The following SLC25A23 variants were observed in gnomAD, a reference collection of about 807,000 sequenced individuals.
SLC25A23 encodes the protein mitochondrial adenyl nucleotide antiporter SLC25A23.
SLC25A23 carries 32 observed loss-of-function variants against 53.9 expected under a neutral mutation model. The observed-to-expected ratio is 0.59, with a 90% CI of 0.45 to 0.80. SLC25A23 has a LOEUF of 0.80. Ranked by LOEUF, SLC25A23 falls within the 30% of genes least tolerant of loss-of-function variation. SLC25A23 has a pLI of 0.00. For synonymous variants in SLC25A23, 275 were observed against 264.5 expected (o/e 1.04, Z -0.38); for missense variants, 575 against 651.4 (o/e 0.88, Z 1.28).
intron 8 of SLC25A23, among the ~76,000 whole-genome samples, chr19:6,445,003 A>G (rs1055334546): frequency 1.3e-5 from 2 of 151,662 alleles, no homozygotes; most frequent in African/African-American, 4.9e-5. Context: ...GAGTGTCACT[A>G]TGTTGCTCAG....
At chr19:6,444,808 C>T (rs1764410889) in intron 8 of SLC25A23, among the ~76,000 whole-genome samples, 1 of 151,408 alleles carries the variant, frequency 6.6e-6, no homozygotes, top group South Asian at 2.1e-4. Context: ...GCTGGGAATA[C>T]AGGTGCGTGC....
Position 6,459,329 on chromosome 19 carries a change from G to C in SLC25A23, c.156+144C>G, listed in dbSNP as rs1230042561. ...CGATCCCGTTAGGCCAAACACGAGT[G>C]GGTAGGGGGAACGAGACAGAGACAC... On this transcript the variant is annotated intron_variant, in intron 1 of 9. Transcript: ENST00000301454. This position sits in a 1 kb window ranked among gnomAD's most constrained non-coding sequence, Gnocchi z 4.6. The C allele has an allele frequency of 7.5e-6, 5 of 663,738 alleles. No individual in the cohort carries two copies. Among genetic ancestry groups the C allele is most frequent in the Non-Finnish European group, 1.2e-5 (5 of 432,390 alleles). The allele number at this position is 663,738 out of a possible 1,614,324, so 41.1% of individuals were successfully genotyped here.
chr19:6,443,455 T>C (rs1210047338), intron 9 of SLC25A23: 5 of 580,514 alleles, frequency 8.6e-6, no homozygotes, highest in East Asian at 6.1e-5. Context: ...CTCAAACTCC[T>C]GGACTCAAAT....
rs775275908 is a variant in SLC25A23 at position 6,454,460 on chromosome 19, T to A, written c.658A>T (p.Thr220Ser). 6.2e-7 allele frequency: 1 copy of A among 1,613,928 alleles called. No homozygotes were observed. The highest frequency in any genetic ancestry group is 1.3e-5 in the African/African-American group (1 of 74,914). ...CCCCCAAGGATGTTCAGCCGGTTGG[T>A]CTTTGAGGCATGGACCTGAATGGGG... is the stretch of plus-strand genomic sequence containing the variant. ...KVFMQVHASKTNRLNILGGLR... is the reference protein window; with the variant it reads ...KVFMQVHASKSNRLNILGGLR... The change falls in exon 6 of 10, where the codon ACC (threonine) becomes TCC (serine). Residue 220 changes from threonine to serine, a missense_variant. Physicochemically the swap from Thr to Ser is moderately conservative, Grantham distance 58. Transcript: ENST00000301454. This position sits in a 1 kb window ranked among gnomAD's most constrained non-coding sequence, Gnocchi z 4.3.
intron 8 of SLC25A23, 60 bp downstream of exon 8, chr19:6,452,252 G>A: frequency 6.4e-7 from 1 of 1,555,682 alleles, no homozygotes; most frequent in Non-Finnish European, 8.7e-7. Flanking sequence ...AAGGGGAAGG[G>A]GTGTCCTGTG....
chr19:6,456,117 C>T (rs772865026), intron 4 of SLC25A23: 1 of 1,412,594 alleles, frequency 7.1e-7, no homozygotes. Flanking sequence ...GGTGGGAGGC[C>T]TTGTACCCCA....
At position 6,458,289 on chromosome 19, in the gene SLC25A23, G is replaced by T; in HGVS notation, c.192C>A (p.Gly64=). ...ISSEGDADPD[G]GLDLEEFSRY... The stretch of plus-strand genomic sequence containing the variant: ...GGGAAAATTCCTCCAGGTCGAGCCC[G>T]CCATCTGGGTCAGCATCACCCTCAG... The change falls in exon 2 of 10, where the codon GGC becomes GGA. Residue 64 remains glycine, a synonymous_variant. Coordinates refer to ENST00000301454, the MANE Select transcript of SLC25A23 (RefSeq NM_024103.3). 1 of 1,613,096 alleles carries T rather than the reference G, an allele frequency of 6.2e-7. No individual in the cohort carries two copies. Among genetic ancestry groups the T allele is most frequent in the Non-Finnish European group, 8.5e-7 (1 of 1,179,916 alleles).
chr19:6,452,514 C>T, intron 7 of SLC25A23, 35 bp from the exon 8 acceptor site: 2 of 1,574,928 alleles, frequency 1.3e-6, no homozygotes, highest in Non-Finnish European at 1.7e-6. Context: ...GAAAAGCTGT[C>T]CCACCAAATC....
rs935401424 is a variant in SLC25A23, at chr19:6,454,155, C to G, written c.796-67G>C. ...TGAACCTTCCTTGCACTCCACTGTT[C>G]TCCTGGCTTCCAAAGAACTGGCTTG... On this transcript the variant is annotated intron_variant, in intron 6 of 9. Transcript: ENST00000301454. The surrounding 1 kb of genome is among the most constrained non-coding windows in gnomAD (Gnocchi z 4.3). The G allele has an allele frequency of 2.0e-6, 3 of 1,534,010 alleles. No individual in the cohort carries two copies. The African/African-American group carries it at 4.1e-5, about 21-fold the overall frequency.
At position 6,454,190 on chromosome 19, in the gene SLC25A23, T is replaced by C. The variant is rs542867444; in HGVS notation, c.796-102A>G. 2.2e-4 allele frequency: 338 copies of C among 1,515,438 alleles called. No individual in the cohort carries two copies. Among genetic ancestry groups the C allele is most frequent in the Non-Finnish European group, 2.8e-4 (315 of 1,116,628 alleles). The allele number at this position is 1,515,438 out of a possible 1,614,324, so 93.9% of individuals were successfully genotyped here. The stretch of plus-strand genomic sequence containing the variant: ...CCAAAGAACTGGCTTGCTGCAGGCA[T>C]TCATGCAGAGGAGCAGATGCCTGAT... On this transcript the variant is annotated intron_variant, in intron 6 of 9. Transcript: ENST00000301454. This position sits in a 1 kb window ranked among gnomAD's most constrained non-coding sequence, Gnocchi z 4.3.
chr19:6,442,187 TA>T, intron 9 of SLC25A23, 28 bp from the exon 10 acceptor site: 1 of 1,453,950 alleles, frequency 6.9e-7, no homozygotes, highest in Middle Eastern at 2.1e-4. Context: ...GGGCACCAGG[TA>T]AGGCCAACGT....
rs1240136285 is a variant in SLC25A23 at position 6,441,838 on chromosome 19, G to A, written c.*137C>T. On this transcript the variant is annotated 3_prime_UTR_variant, in exon 10 of 10. Coordinates refer to ENST00000301454, the MANE Select transcript of SLC25A23 (RefSeq NM_024103.3). ...CTGGGATCCCATGACCCAATGGTTG[G>A]GGCATAGGAGTCTAGGATCCAGGAT... 6.4e-6 allele frequency: 5 copies of A among 777,392 alleles called. No homozygotes were observed. The highest frequency in any genetic ancestry group is 1.0e-5 in the Non-Finnish European group (5 of 476,818). 48.2% of individuals were successfully genotyped at this position (777,392 alleles called of 1,614,324 possible). A position where few individuals can be genotyped will look rare whatever the true frequency, so the allele number is the denominator to read the frequency against.
In SLC25A23 at chr19:6,441,899, T is replaced by C; in HGVS notation, c.*76A>G. On this transcript the variant is annotated 3_prime_UTR_variant, in exon 10 of 10. Transcript: ENST00000301454. ...GGATCTCGTGGCCAAAGAGTAGGGA[T>C]CCTGTGGTTGGATCATCAGTCTCCA... The C allele has an allele frequency of 7.1e-7, 1 of 1,403,778 alleles. No homozygotes were observed. Among genetic ancestry groups the C allele is most frequent in the Non-Finnish European group, 9.9e-7 (1 of 1,005,796 alleles). 87.0% of individuals were successfully genotyped at this position (1,403,778 alleles called of 1,614,324 possible).
rs375160843 is a variant in SLC25A23, at chr19:6,459,482, G to A, written c.147C>T (p.Gly49=). The A allele has an allele frequency of 3.1e-5, 49 of 1,589,440 alleles. No individual in the cohort carries two copies. The African/African-American group carries it at 5.8e-4, about 19-fold the overall frequency. Residue 49 remains glycine (G), a synonymous_variant, in exon 1 of 10, where the codon GGC becomes GGT. Transcript: ENST00000301454. This position sits in a 1 kb window ranked among gnomAD's most constrained non-coding sequence, Gnocchi z 4.6. ...ARLGGGNPDP[G]AQQGISSEGD... is the part of the protein sequence containing the mutation. ...CTGGGGGTGGGGGTACCTGTTGGGC[G>A]CCGGGGTCTGGGTTGCCCCCGCCCA...
Position 6,459,715 on chromosome 19 carries a change from A to T in SLC25A23, c.-87T>A. ...TCCCCCTCCCCCCCCGGGACCCCGCAGGGTCAGCTCCCGCGGCCGCCGGCT... is the reference window on the plus strand; with the variant it reads ...TCCCCCTCCCCCCCCGGGACCCCGCTGGGTCAGCTCCCGCGGCCGCCGGCT... On this transcript the variant is annotated 5_prime_UTR_variant, in exon 1 of 10. Transcript: ENST00000301454. The surrounding 1 kb of genome is among the most constrained non-coding windows in gnomAD (Gnocchi z 4.6). 1 of 1,138,020 alleles carries T rather than the reference A, an allele frequency of 8.8e-7. No homozygotes were observed. The highest frequency in any genetic ancestry group is 1.1e-6 in the Non-Finnish European group (1 of 907,234). The allele number at this position is 1,138,020 out of a possible 1,614,324, so 70.5% of individuals were successfully genotyped here.
At chr19:6,436,792 C>A (rs12973466), downstream of SLC25A23, among the ~76,000 whole-genome samples, 3 of 150,610 alleles carry the variant, frequency 2.0e-5, no homozygotes, top group Admixed American at 2.0e-4. Context: ...AGGTGATTCA[C>A]CCGCCTCGGC....
At position 6,456,462 on chromosome 19, in the gene SLC25A23, C is replaced by A; in HGVS notation, c.441G>T (p.Leu147=). The A allele has an allele frequency of 6.2e-7, 1 of 1,614,000 alleles. No individual in the cohort carries two copies. The highest frequency in any genetic ancestry group is 8.5e-7 in the Non-Finnish European group (1 of 1,180,020). The change falls in exon 4 of 10, where the codon CTG becomes CTT. Residue 147 remains leucine, a synonymous_variant. Transcript: ENST00000301454. ...EWRDHFLLHS[L]ENVEDVLYFW... is the part of the protein sequence containing the mutation. ...AATACAGCACGTCCTCCACATTTTCCAGCGAATGCAACAGGAAGTGGTCGC... is the reference window on the plus strand; with the variant it reads ...AATACAGCACGTCCTCCACATTTTCAAGCGAATGCAACAGGAAGTGGTCGC...
intron 8 of SLC25A23, among the ~76,000 whole-genome samples, chr19:6,451,759 T>A (rs1400499204): frequency 6.6e-6 from 1 of 151,990 alleles, no homozygotes; most frequent in Admixed American, 6.6e-5. Context: ...TGACATTGGC[T>A]TAGAGACCGT....
At position 6,452,372 on chromosome 19, in the gene SLC25A23, G is replaced by C. The variant is rs761840721; in HGVS notation, c.1011C>G (p.Gly337=). 6.2e-7 allele frequency: 1 copy of C among 1,613,760 alleles called. No homozygotes were observed. Among genetic ancestry groups the C allele is most frequent in the East Asian group, 2.2e-5 (1 of 44,854 alleles). ...EREGPRAFYR[G]YLPNVLGIIP... ...TGATGCCCAGCACGTTGGGGAGGTAGCCGCGGTAGAAGGCACGGGGCCCCT... is the reference window on the plus strand; with the variant it reads ...TGATGCCCAGCACGTTGGGGAGGTACCCGCGGTAGAAGGCACGGGGCCCCT... Residue 337 remains glycine, a synonymous_variant, in exon 8 of 10, where the codon GGC becomes GGG. Coordinates refer to ENST00000301454, the MANE Select transcript of SLC25A23 (RefSeq NM_024103.3).
Sources: allele counts gnomAD v4.1 joint callset (sites outside exome capture counted in the v4.1 genomes callset), GRCh38; gene constraint gnomAD v4.1.1; non-coding constraint Gnocchi (gnomAD v3.1); transcripts MANE v1.5; gene names NCBI Gene and HGNC (gene_info 2026-07-23, HGNC 2026-07-21).